DEPTOR: variants seen among roughly 807,000 people sequenced by gnomAD.
The protein encoded by DEPTOR is DEP domain containing MTOR interacting protein.
In DEPTOR, 41 loss-of-function variants were observed where a neutral mutation model predicts 41.6. The observed-to-expected ratio is 0.98, with a 90% CI of 0.77 to 1.28. The LOEUF is 1.28. Ranked by LOEUF, DEPTOR falls within the 50% of genes most tolerant of loss-of-function variation. The pLI, the probability that DEPTOR is intolerant of heterozygous loss-of-function variation, is 0.00. For missense variants in DEPTOR, 514 were observed against 527.9 expected, an observed-to-expected ratio of 0.97 and a Z score of 0.26; for synonymous variants, 195 against 192.3, an observed-to-expected ratio of 1.01 and a Z score of -0.12.
At chr8:119,939,901 A>T (rs1828179544) in intron 3 of DEPTOR, among the ~76,000 whole-genome samples, 1 of 152,190 alleles carries the variant, frequency 6.6e-6, no homozygotes, top group African/African-American at 2.4e-5. Flanking sequence ...CAAATGGTAT[A>T]GAAGTGTCTT....
chr8:119,883,468 C>CT (rs375547958), intron 1 of DEPTOR, among the ~76,000 whole-genome samples: 2,683 of 80,434 alleles, frequency 0.033, 95 homozygotes, highest in African/African-American at 0.11. Flanking sequence ...GAGCGAGACT[C>CT]GTCTTAAAAA....
intron 3 of DEPTOR, among the ~76,000 whole-genome samples, chr8:119,958,753 G>C (rs1436732938): frequency 6.6e-6 from 1 of 152,054 alleles, no homozygotes; most frequent in African/African-American, 2.4e-5. Flanking sequence ...CCGTACTCCA[G>C]CCTGGGTGAC....
At chr8:119,992,079 T>C (rs1240739379) in intron 4 of DEPTOR, among the ~76,000 whole-genome samples, 1 of 152,234 alleles carries the variant, frequency 6.6e-6, no homozygotes, top group Non-Finnish European at 1.5e-5. Flanking sequence ...CTACCATCCA[T>C]TTATCCTTGC....
chr8:120,032,420 C>T (rs1222786743), intron 8 of DEPTOR, among the ~76,000 whole-genome samples: 1 of 152,006 alleles, frequency 6.6e-6, no homozygotes, highest in Non-Finnish European at 1.5e-5. Context: ...GAGGTTTCAC[C>T]ACATTGGCCA....
chr8:120,035,325 AAAAG>A lies in DEPTOR; in HGVS notation c.1102-14231_1102-14228del, dbSNP rs10584339. On this transcript the variant is annotated intron_variant, in intron 8 of 8. Transcript: ENST00000286234. The stretch of plus-strand genomic sequence containing the variant: ...ACAGAGTGAGACCCTGCCCAGAAAA[AAAAG>A]AAAGAAAGAAAGAAAGAAAAGAATG... Among the ~76,000 whole-genome samples, 218 of 151,376 alleles carry A rather than the reference AAAAG, an allele frequency of 1.4e-3. 1 individual carries two copies. The Middle Eastern group carries it at 0.017, about 12-fold the overall frequency.
At chr8:120,036,735 A>C (rs1377218634) in intron 8 of DEPTOR, among the ~76,000 whole-genome samples, 1 of 152,146 alleles carries the variant, frequency 6.6e-6, no homozygotes, top group African/African-American at 2.4e-5. Context: ...GCCAATCTTG[A>C]CTCAGTTTAC....
At chr8:120,027,234 A>AAATAATAATAATAAT (rs10529651) in intron 8 of DEPTOR, among the ~76,000 whole-genome samples, 9,940 of 144,992 alleles carry the variant, frequency 0.069, 368 homozygotes, top group South Asian at 0.15. Context: ...AATAAAAATA[A>AAATAATAATAATAAT]AATAATAATA....
At chr8:120,040,469 G>A (rs368790340) in intron 8 of DEPTOR, among the ~76,000 whole-genome samples, 6 of 152,116 alleles carry the variant, frequency 3.9e-5, no homozygotes, top group East Asian at 3.9e-4. Context: ...CCAGCTACTC[G>A]GGAGGCTGAG....
intron 1 of DEPTOR, among the ~76,000 whole-genome samples, chr8:119,899,363 G>C (rs1417720579): frequency 1.3e-5 from 2 of 152,140 alleles, no homozygotes; most frequent in Non-Finnish European, 2.9e-5. Context: ...GGCTGAAGAA[G>C]GAATTACCTG....
At chr8:119,926,988 G>A (rs1358678514) in intron 1 of DEPTOR, among the ~76,000 whole-genome samples, 1 of 152,282 alleles carries the variant, frequency 6.6e-6, no homozygotes, top group South Asian at 2.1e-4. Flanking sequence ...CTTCGTAGAT[G>A]TTCATATCAG....
rs76075973 is a variant in DEPTOR at position 120,031,507 on chromosome 8, T to A, written c.1102-18069T>A. 9.2e-3 allele frequency among the ~76,000 whole-genome samples: 1,399 copies of A among 152,158 alleles called. 20 individuals carry two copies. The highest frequency in any genetic ancestry group is 0.031 in the African/African-American group (1,288 of 41,510). ...AATAAAATGCATATTTGCATTTACT[T>A]ATGTGCTCCATCGTGCTGTAAGGAT... On this transcript the variant is annotated intron_variant, in intron 8 of 8. Coordinates refer to ENST00000286234, the MANE Select transcript of DEPTOR (RefSeq NM_022783.4).
intron 1 of DEPTOR, among the ~76,000 whole-genome samples, chr8:119,916,145 G>A (rs965258438): frequency 1.3e-5 from 2 of 152,098 alleles, no homozygotes; most frequent in African/African-American, 2.4e-5. Flanking sequence ...ACGGGTGGAC[G>A]CTGGAGTGCA....
chr8:119,877,544 C>G (rs568620978), intron 1 of DEPTOR, among the ~76,000 whole-genome samples: 12 of 152,344 alleles, frequency 7.9e-5, no homozygotes, highest in Admixed American at 7.2e-4. Flanking sequence ...CACACACTCT[C>G]AGTTCCCCTC....
intron 1 of DEPTOR, among the ~76,000 whole-genome samples, chr8:119,900,553 A>G (rs1487329271): frequency 6.6e-6 from 1 of 151,244 alleles, no homozygotes; most frequent in Non-Finnish European, 1.5e-5. Context: ...CACCTGGCTC[A>G]TTTTTAATTT....
At chr8:119,920,545 G>A (rs945394444) in intron 1 of DEPTOR, among the ~76,000 whole-genome samples, 1 of 152,196 alleles carries the variant, frequency 6.6e-6, no homozygotes, top group Non-Finnish European at 1.5e-5. Flanking sequence ...GGAAGAAGGA[G>A]CATTCTAAGC....
chr8:119,988,663 A>G lies in DEPTOR; in HGVS notation c.605-12862A>G, dbSNP rs181990494. ...ATGCCTGGCTAATTTTTGTATTTTT[A>G]GTAGAGATGGGGTTTCACCATTTTG... On this transcript the variant is annotated intron_variant, in intron 4 of 8. Transcript: ENST00000286234. Among the ~76,000 whole-genome samples, 3 of 152,082 alleles carry G rather than the reference A, an allele frequency of 2.0e-5. No individual in the cohort carries two copies. The East Asian group carries it at 5.8e-4, about 30-fold the overall frequency.
At position 119,904,941 on chromosome 8, in the gene DEPTOR, G is replaced by A. The variant is rs181086192; in HGVS notation, c.123-23459G>A. On this transcript the variant is annotated intron_variant, in intron 1 of 8. Coordinates refer to ENST00000286234, the MANE Select transcript of DEPTOR (RefSeq NM_022783.4). ...CAAGTAGCTAGGACTACAGGCACAC[G>A]CTACCATGCCTGGCTAATTTTTGCT... Among the ~76,000 whole-genome samples, 313 of 147,880 alleles carry A rather than the reference G, an allele frequency of 2.1e-3. 2 individuals carry two copies. Among genetic ancestry groups the A allele is most frequent in the Non-Finnish European group, 1.5e-3 (99 of 67,540 alleles).
intron 7 of DEPTOR, 76 bp from the exon 8 acceptor site, chr8:120,008,953 G>T: frequency 7.0e-7 from 1 of 1,425,886 alleles, no homozygotes; most frequent in Non-Finnish European, 9.8e-7. Context: ...TCCTGGGCTG[G>T]TTTTCTCTCC....
rs1161811241 is a variant in DEPTOR, at chr8:120,049,877, A to G, written c.*173A>G. 1.4e-6 allele frequency: 1 copy of G among 691,454 alleles called. No individual in the cohort carries two copies. The highest frequency in any genetic ancestry group is 2.1e-6 in the Non-Finnish European group (1 of 477,876). The allele number at this position is 691,454 out of a possible 1,614,324, so 42.8% of individuals were successfully genotyped here. A position where few individuals can be genotyped will look rare whatever the true frequency, so the allele number is the denominator to read the frequency against. ...TACACTGAATGTGGAAGAACCGGGT[A>G]TCATATCTTTTTTAAAAAATGTCAG... On this transcript the variant is annotated 3_prime_UTR_variant, in exon 9 of 9. Coordinates refer to ENST00000286234, the MANE Select transcript of DEPTOR (RefSeq NM_022783.4).
Sources: gnomAD v4.1 joint callset for allele counts (sites outside exome capture counted in the v4.1 genomes callset) on GRCh38, gnomAD v4.1.1 for gene constraint, MANE v1.5 for transcripts, NCBI Gene and HGNC (gene_info 2026-07-23, HGNC 2026-07-21) for gene names.